PIP4K2A: variants seen among roughly 807,000 people sequenced by gnomAD.
The protein encoded by PIP4K2A is phosphatidylinositol 5-phosphate 4-kinase type-2 alpha.
In PIP4K2A, 14 loss-of-function variants were observed where a neutral mutation model predicts 42.9. The ratio of observed to expected loss-of-function variants is 0.33; its 90% CI spans 0.22 to 0.51. The LOEUF is 0.51. Among genes scored for constraint, PIP4K2A ranks in the 20% least tolerant of loss-of-function variants. The pLI is 0.97. For synonymous variants in PIP4K2A, 192 were observed against 192.2 expected (o/e 1.00, Z 0.01); for missense variants, 434 against 519.8 (o/e 0.83, Z 1.61).
chr10:22,597,027 A>AT (rs1837650761), intron 3 of PIP4K2A, among the ~76,000 whole-genome samples: 1 of 152,210 alleles, frequency 6.6e-6, no homozygotes, highest in Admixed American at 6.5e-5. Context: ...CAGGTTTTCG[A>AT]TTTTGCCAAG....
chr10:22,712,398 C>T (rs1031123180), intron 1 of PIP4K2A, among the ~76,000 whole-genome samples: 3 of 152,072 alleles, frequency 2.0e-5, no homozygotes, highest in African/African-American at 7.2e-5. Flanking sequence ...CTAAATTAAA[C>T]CCCGAGACAG....
chr10:22,712,063 A>T (rs1833920135), intron 1 of PIP4K2A, among the ~76,000 whole-genome samples: 1 of 152,236 alleles, frequency 6.6e-6, no homozygotes, highest in South Asian at 2.1e-4. Flanking sequence ...TGAATGAGTA[A>T]CATGCTTACA....
Position 22,537,118 on chromosome 10 carries a change from ACTGAGTTTGGTTTTCATTT to A in PIP4K2A, c.*64_*82del. 1 of 1,026,236 alleles carries A rather than the reference ACTGAGTTTGGTTTTCATTT, an allele frequency of 9.7e-7. No homozygotes were observed. Among genetic ancestry groups the A allele is most frequent in the Non-Finnish European group, 1.5e-6 (1 of 676,536 alleles). The allele number at this position is 1,026,236 out of a possible 1,614,324, so 63.6% of individuals were successfully genotyped here. On this transcript the variant is annotated 3_prime_UTR_variant, in exon 10 of 10. Coordinates refer to ENST00000376573, the MANE Select transcript of PIP4K2A (RefSeq NM_005028.5). Reference sequence around the variant, plus strand: ...TTGCTTCCTGCAAGATGAGTACTTCACTGAGTTTGGTTTTCATTTTTCCTACACCGAAGCCACCTCTGTC... The same window carrying A: ...TTGCTTCCTGCAAGATGAGTACTTCATTCCTACACCGAAGCCACCTCTGTC...
chr10:22,708,925 GGT>G (rs1265031858), intron 1 of PIP4K2A, among the ~76,000 whole-genome samples: 4 of 152,176 alleles, frequency 2.6e-5, no homozygotes, highest in Non-Finnish European at 5.9e-5. Context: ...TCAGGCTACA[GGT>G]GTGTGCCACC....
intron 1 of PIP4K2A, among the ~76,000 whole-genome samples, chr10:22,676,838 A>C (rs1839569517): frequency 6.6e-6 from 1 of 152,158 alleles, no homozygotes; most frequent in Non-Finnish European, 1.5e-5. Context: ...AATGTCACTC[A>C]GTACTAAGTG....
intron 6 of PIP4K2A, among the ~76,000 whole-genome samples, chr10:22,558,352 G>A (rs1357613535): frequency 6.6e-6 from 1 of 152,072 alleles, no homozygotes; most frequent in East Asian, 1.9e-4. Context: ...TTTCTATAAG[G>A]GAAGGAATTT....
At chr10:22,675,866 C>T (rs1564464074) in intron 1 of PIP4K2A, among the ~76,000 whole-genome samples, 2 of 152,132 alleles carry the variant, frequency 1.3e-5, no homozygotes, top group Non-Finnish European at 2.9e-5. Flanking sequence ...TGACATTTCC[C>T]GACTTGGAAG....
intron 3 of PIP4K2A, among the ~76,000 whole-genome samples, chr10:22,598,221 G>A (rs964064716): frequency 6.6e-6 from 1 of 152,086 alleles, no homozygotes; most frequent in Non-Finnish European, 1.5e-5. Flanking sequence ...AGCCGGATGT[G>A]GTGGTGCGTG....
chr10:22,698,834 G>T, intron 1 of PIP4K2A, among the ~76,000 whole-genome samples: 2 of 152,120 alleles, frequency 1.3e-5, no homozygotes, highest in Non-Finnish European at 2.9e-5. Context: ...ATTTGTGTGT[G>T]TTTTTCAAAT....
At chr10:22,581,549 A>G (rs1159592839) in intron 4 of PIP4K2A, among the ~76,000 whole-genome samples, 1 of 134,992 alleles carries the variant, frequency 7.4e-6, no homozygotes, top group African/African-American at 2.7e-5. Flanking sequence ...AGGGCAACAC[A>G]GGGAGATCCT....
At chr10:22,691,710 A>G (rs1839872481) in intron 1 of PIP4K2A, 1 of 152,228 alleles carries the variant, frequency 6.6e-6, no homozygotes, top group African/African-American at 2.4e-5. Flanking sequence ...CCCTGCTCCC[A>G]GCACAAAACT....
At chr10:22,671,974 A>G (rs912295150) in intron 1 of PIP4K2A, among the ~76,000 whole-genome samples, 1 of 152,160 alleles carries the variant, frequency 6.6e-6, no homozygotes. Flanking sequence ...TTGGCAACCA[A>G]TGTTTCAGTC....
At chr10:22,624,829 TTTG>T (rs1211564626) in intron 1 of PIP4K2A, among the ~76,000 whole-genome samples, 1 of 152,236 alleles carries the variant, frequency 6.6e-6, no homozygotes, top group African/African-American at 2.4e-5. Flanking sequence ...TTTCCACTGT[TTTG>T]TTATCTTTTT....
chr10:22,563,435 T>G (rs1836760233), intron 6 of PIP4K2A, among the ~76,000 whole-genome samples: 1 of 152,244 alleles, frequency 6.6e-6, no homozygotes, highest in African/African-American at 2.4e-5. Flanking sequence ...ACAAATTGTT[T>G]TGCTAACATA....
In PIP4K2A at chr10:22,535,856, A is replaced by T; in HGVS notation, c.*1345T>A. ...TGGGGCGAAATCTCTTTTTAAAAAA[A>T]TCAATCATTAGGTTGATAAATGTAC... On this transcript the variant is annotated 3_prime_UTR_variant, in exon 10 of 10. Transcript: ENST00000376573. 1 of 349,468 alleles carries T rather than the reference A, an allele frequency of 2.9e-6. No homozygotes were observed. The highest frequency in any genetic ancestry group is 1.6e-4 in the South Asian group (1 of 6,446). 21.6% of individuals were successfully genotyped at this position (349,468 alleles called of 1,614,324 possible).
At chr10:22,552,108 A>G (rs1264419254) in intron 6 of PIP4K2A, among the ~76,000 whole-genome samples, 1 of 152,262 alleles carries the variant, frequency 6.6e-6, no homozygotes, top group African/African-American at 2.4e-5. Flanking sequence ...CAAAGCAGGT[A>G]CAGCAAGGCC....
At chr10:22,699,742 C>T (rs991852107) in intron 1 of PIP4K2A, among the ~76,000 whole-genome samples, 5 of 152,038 alleles carry the variant, frequency 3.3e-5, no homozygotes, top group African/African-American at 1.2e-4. Flanking sequence ...GTTCAAAATA[C>T]ATTGTAAATA....
At chr10:22,613,402 G>A (rs1165184021) in intron 1 of PIP4K2A, among the ~76,000 whole-genome samples, 1 of 152,164 alleles carries the variant, frequency 6.6e-6, no homozygotes, top group Non-Finnish European at 1.5e-5. Context: ...GAGGGGATGG[G>A]ATTCAGGCAT....
At position 22,573,349 on chromosome 10, in the gene PIP4K2A, T is replaced by C. The variant is rs1837034389; in HGVS notation, c.601A>G (p.Ser201Gly). Residue 201 changes from serine (S) to glycine (G), a missense_variant, in exon 5 of 10, where the codon AGC becomes GGC. This residue lies in a region of PIP4K2A where 395 missense variants were observed against 444.5 expected (regional missense o/e 0.89). Coordinates refer to ENST00000376573, the MANE Select transcript of PIP4K2A (RefSeq NM_005028.5). ...IYVIVTRNVF[S>G]HRLSVYRKYD... ...TTCCTATACACAGACAAACGGTGGC[T>C]GAATACATTTCTTGTAACTATCACA... 6.2e-7 allele frequency: 1 copy of C among 1,613,720 alleles called. No homozygotes were observed. Among genetic ancestry groups the C allele is most frequent in the South Asian group, 1.1e-5 (1 of 91,076 alleles).
Sources: gnomAD v4.1 joint callset for allele counts (sites outside exome capture counted in the v4.1 genomes callset) on GRCh38, gnomAD v4.1.1 for gene constraint, gnomAD v4.1.1 regional missense constraint, MANE v1.5 for transcripts, NCBI Gene and HGNC (gene_info 2026-07-23, HGNC 2026-07-21) for gene names.